The following PPP1R16B variants were observed in gnomAD, a reference collection of about 807,000 sequenced individuals.
PPP1R16B encodes the protein protein phosphatase 1 regulatory subunit 16B.
A neutral mutation model predicts 61.7 loss-of-function variants in PPP1R16B; 14 were observed. The observed-to-expected ratio is 0.23, with a 90% CI of 0.15 to 0.35. The LOEUF (loss-of-function observed/expected upper bound fraction) is 0.35, where lower values mean the gene tolerates loss of function less well. PPP1R16B is among the 10% of genes least tolerant of loss of function. The probability of loss-of-function intolerance (pLI) is 1.00; values close to 1 mark genes in which losing one functional copy is unlikely to be tolerated. For missense variants in PPP1R16B, 547 were observed against 752.5 expected (o/e 0.73, Z 3.19); for synonymous variants, 266 against 305.3 (o/e 0.87, Z 1.34).
At chr20:38,839,798 G>A (rs1445335883) in intron 2 of PPP1R16B, among the ~76,000 whole-genome samples, 12 of 151,970 alleles carry the variant, frequency 7.9e-5, no homozygotes, top group Admixed American at 7.9e-4. Flanking sequence ...TCCATAGTAT[G>A]GATTACCAGA....
At chr20:38,867,350 T>C (rs912267511) in intron 2 of PPP1R16B, among the ~76,000 whole-genome samples, 1 of 152,148 alleles carries the variant, frequency 6.6e-6, no homozygotes, top group African/African-American at 2.4e-5. Flanking sequence ...CAGATGAGCT[T>C]CCTGTGTGGT....
At chr20:38,916,230 A>G (rs1445338241) in intron 10 of PPP1R16B, among the ~76,000 whole-genome samples, 1 of 150,976 alleles carries the variant, frequency 6.6e-6, no homozygotes. Flanking sequence ...ATACACACTC[A>G]TAAATGGAAA....
At chr20:38,849,105 G>A (rs1368951740) in intron 2 of PPP1R16B, among the ~76,000 whole-genome samples, 1 of 151,986 alleles carries the variant, frequency 6.6e-6, no homozygotes, top group African/African-American at 2.4e-5. Context: ...AGGGTTTTTT[G>A]TTTGTTTGTT....
chr20:38,890,210 G>C (rs1465437059), intron 3 of PPP1R16B, among the ~76,000 whole-genome samples: 1 of 152,230 alleles, frequency 6.6e-6, no homozygotes, highest in Non-Finnish European at 1.5e-5. Flanking sequence ...CTGGTCCCCA[G>C]CATTCAGTCT....
In PPP1R16B at chr20:38,907,779, C is replaced by G; in HGVS notation, c.899-27C>G. 1.2e-6 allele frequency: 2 copies of G among 1,613,450 alleles called. No individual in the cohort carries two copies. The highest frequency in any genetic ancestry group is 1.1e-5 in the South Asian group (1 of 90,920). ...GCGCCACAGGTCCTGGCCCCGTCCC[C>G]CACAACAGACTCCTCTGCCCCTTCA... On this transcript the variant is annotated intron_variant, in intron 8 of 10. Transcript: ENST00000299824. This position sits in a 1 kb window ranked among gnomAD's most constrained non-coding sequence, Gnocchi z 4.5.
Position 38,921,723 on chromosome 20 carries a change from G to C in PPP1R16B, c.*3057G>C, listed in dbSNP as rs1047836148. 6.6e-6 allele frequency: 1 copy of C among 152,242 alleles called. No homozygotes were observed. The highest frequency in any genetic ancestry group is 6.5e-5 in the Admixed American group (1 of 15,286). The allele number at this position is 152,242 out of a possible 1,614,324, so 9.4% of individuals were successfully genotyped here. On this transcript the variant is annotated 3_prime_UTR_variant, in exon 11 of 11. Transcript: ENST00000299824. ...GCTTGAGATCAGTGTCTAGAAGACT[G>C]TTCTGCAATTTGCTGCCAAATGCAT...
chr20:38,847,639 G>C (rs2084943421), intron 2 of PPP1R16B, among the ~76,000 whole-genome samples: 1 of 152,200 alleles, frequency 6.6e-6, no homozygotes, highest in Admixed American at 6.5e-5. Context: ...TTACATGCAT[G>C]AGCCACTGCA....
intron 1 of PPP1R16B, among the ~76,000 whole-genome samples, chr20:38,813,819 C>A (rs188373799): frequency 6.8e-6 from 1 of 146,670 alleles, no homozygotes; most frequent in Non-Finnish European, 1.5e-5. Flanking sequence ...TATTTTGAGA[C>A]ACAGTCTCAC....
At chr20:38,889,948 A>T (rs2085280211) in intron 3 of PPP1R16B, among the ~76,000 whole-genome samples, 1 of 152,226 alleles carries the variant, frequency 6.6e-6, no homozygotes, top group Non-Finnish European at 1.5e-5. Context: ...CCATGAAAGC[A>T]AGTGTGTTTG....
In PPP1R16B at chr20:38,922,096, T is replaced by C. The variant is rs1379479430; in HGVS notation, c.*3430T>C. The C allele has an allele frequency of 1.3e-5, 2 of 152,208 alleles. No homozygotes were observed. Among genetic ancestry groups the C allele is most frequent in the Non-Finnish European group, 2.9e-5 (2 of 68,058 alleles). 9.4% of individuals were successfully genotyped at this position (152,208 alleles called of 1,614,324 possible). ...AGACTGTGAGTTTCTGGCAAGTAGC[T>C]TGGGGAAGCTGAATAAACTCTAGGC... On this transcript the variant is annotated 3_prime_UTR_variant, in exon 11 of 11. Coordinates refer to ENST00000299824, the MANE Select transcript of PPP1R16B (RefSeq NM_015568.4).
At chr20:38,855,905 T>C (rs1471880757) in intron 2 of PPP1R16B, among the ~76,000 whole-genome samples, 1 of 65,484 alleles carries the variant, frequency 1.5e-5, no homozygotes, top group African/African-American at 6.1e-5. Flanking sequence ...GACAGTTTCC[T>C]ACATATATAT....
intron 2 of PPP1R16B, among the ~76,000 whole-genome samples, chr20:38,841,353 GAAAAAAAAAAAAAAA>G (rs34203271): frequency 9.4e-5 from 4 of 42,584 alleles, no homozygotes; most frequent in East Asian, 5.6e-4. Flanking sequence ...TGTCTGTACT[GAAAAAAAAAAAAAAA>G]AAAAAAAAAA....
At chr20:38,817,901 G>A (rs1022869791) in intron 1 of PPP1R16B, among the ~76,000 whole-genome samples, 7 of 152,136 alleles carry the variant, frequency 4.6e-5, no homozygotes, top group Non-Finnish European at 8.8e-5. Context: ...AAAATTAGCC[G>A]GGCGTGGTGG....
At chr20:38,816,222 G>A (rs1416995700) in intron 1 of PPP1R16B, among the ~76,000 whole-genome samples, 1 of 152,226 alleles carries the variant, frequency 6.6e-6, no homozygotes, top group Non-Finnish European at 1.5e-5. Flanking sequence ...GAGGGAGCCT[G>A]TGGGGAAACC....
intron 2 of PPP1R16B, among the ~76,000 whole-genome samples, chr20:38,863,975 G>C (rs923034503): frequency 1.3e-5 from 2 of 152,216 alleles, no homozygotes; most frequent in Non-Finnish European, 2.9e-5. Context: ...ATGGAATGCA[G>C]TCTAGCCATA....
At chr20:38,898,887 C>T (rs1447409143) in intron 4 of PPP1R16B, among the ~76,000 whole-genome samples, 1 of 152,150 alleles carries the variant, frequency 6.6e-6, no homozygotes, top group African/African-American at 2.4e-5. Context: ...ACCACAATTA[C>T]TTTTGCACCA....
intron 2 of PPP1R16B, among the ~76,000 whole-genome samples, chr20:38,844,402 T>A (rs2084925478): frequency 6.6e-6 from 1 of 152,234 alleles, no homozygotes; most frequent in Non-Finnish European, 1.5e-5. Flanking sequence ...AAAAAAACAC[T>A]GCCTGTTAAA....
intron 1 of PPP1R16B, among the ~76,000 whole-genome samples, chr20:38,830,883 G>GT (rs1388616201): frequency 6.6e-6 from 1 of 152,182 alleles, no homozygotes; most frequent in Non-Finnish European, 1.5e-5. Flanking sequence ...ATAAAGTGCT[G>GT]TAACAGCGCA....
chr20:38,895,547 C>T lies in PPP1R16B; in HGVS notation c.322-18C>T. Reference sequence around the variant, plus strand: ...AGTGCCCTGCCTGGAGCTGACTCTGCCTGTGTGTCTCTCCCAGTGCTGCAT... The same window carrying T: ...AGTGCCCTGCCTGGAGCTGACTCTGTCTGTGTGTCTCTCCCAGTGCTGCAT... On this transcript the variant is annotated intron_variant, in intron 3 of 10. Coordinates refer to ENST00000299824, the MANE Select transcript of PPP1R16B (RefSeq NM_015568.4). 2 of 1,612,424 alleles carry T rather than the reference C, an allele frequency of 1.2e-6. No homozygotes were observed. The highest frequency in any genetic ancestry group is 8.5e-7 in the Non-Finnish European group (1 of 1,178,688).
Sources: allele counts gnomAD v4.1 joint callset (sites outside exome capture counted in the v4.1 genomes callset), GRCh38; gene constraint gnomAD v4.1.1; non-coding constraint Gnocchi (gnomAD v3.1); transcripts MANE v1.5; gene names NCBI Gene and HGNC (gene_info 2026-07-23, HGNC 2026-07-21).